Variants in MAP4K4 observed in about 807,000 individuals in gnomAD.
MAP4K4 encodes mitogen-activated protein kinase kinase kinase kinase 4, also known as HPK/GCK-like kinase HGK.
Under a neutral mutation model 189.6 loss-of-function variants are expected in MAP4K4, and 38 were observed. The ratio of observed to expected loss-of-function variants is 0.20; its 90% CI spans 0.15 to 0.26. MAP4K4 has a LOEUF of 0.26. Ranked by LOEUF, MAP4K4 falls within the 10% of genes least tolerant of loss-of-function variation. MAP4K4 has a pLI of 1.00. For missense variants in MAP4K4, 1,054 were observed against 1,726.9 expected (o/e 0.61, Z 6.91); for synonymous variants, 610 against 624.3 (o/e 0.98, Z 0.34).
exon 33 of MAP4K4, chr2:101,894,220 T>TA (rs2098600434): frequency 6.5e-6 from 1 of 152,782 alleles, no homozygotes. Flanking sequence ...ATTGAACTGT[T>TA]AGAGGAGTGC....
At position 101,860,893 on chromosome 2, in the gene MAP4K4, A is replaced by G. The variant is rs766521970; in HGVS notation, c.1773A>G (p.Val591=). ...CCCAGTCTAAGCAGACAGGCAGAGT[A>G]TTGGAGCCACCAGTGCCTTCCCGAT... The change falls in exon 16 of 33, where the codon GTA becomes GTG. Residue 591 remains valine (V), a synonymous_variant. Coordinates refer to ENST00000324219, the Ensembl canonical transcript of MAP4K4. 6.8e-6 allele frequency: 11 copies of G among 1,608,908 alleles called. No individual in the cohort carries two copies. In the East Asian group the frequency reaches 8.9e-5, roughly 13 times the overall value.
At chr2:101,732,961 G>A (rs988385697) in intron 2 of MAP4K4, among the ~76,000 whole-genome samples, 1 of 152,262 alleles carries the variant, frequency 6.6e-6, no homozygotes, top group African/African-American at 2.4e-5. Context: ...TGTCTTTGAT[G>A]TATTTAGAGC....
chr2:101,739,200 T>C (rs1456288713), intron 2 of MAP4K4, among the ~76,000 whole-genome samples: 1 of 152,200 alleles, frequency 6.6e-6, no homozygotes, highest in Admixed American at 6.5e-5. Flanking sequence ...CACAGTGCTT[T>C]TCTTTCTTGC....
chr2:101,861,094 G>C (rs1399865453), intron 16 of MAP4K4, 108 bp downstream of exon 16: 1 of 1,017,492 alleles, frequency 9.8e-7, no homozygotes, highest in Non-Finnish European at 1.4e-6. Context: ...CTGAAAAAGA[G>C]GAGAGATTAG....
At chr2:101,872,568 A>G (rs539094768) in intron 24 of MAP4K4, among the ~76,000 whole-genome samples, 1 of 152,212 alleles carries the variant, frequency 6.6e-6, no homozygotes, top group Non-Finnish European at 1.5e-5. Context: ...CAGTTGAGGG[A>G]GGTTAGAAAG....
chr2:101,893,146 G>T, exon 33 of MAP4K4: 1 of 456,384 alleles, frequency 2.2e-6, no homozygotes, highest in Non-Finnish European at 4.4e-6. Flanking sequence ...TCCTGTTCCT[G>T]GTTCCATCTT....
At chr2:101,856,180 T>C in intron 13 of MAP4K4, 42 bp downstream of exon 13, 12 of 1,534,974 alleles carry the variant, frequency 7.8e-6, no homozygotes, top group Non-Finnish European at 1.1e-5. Flanking sequence ...CTTGTGAAGT[T>C]TGTTACTTTG....
chr2:101,784,850 C>T (rs2089848925), intron 2 of MAP4K4, among the ~76,000 whole-genome samples: 1 of 152,156 alleles, frequency 6.6e-6, no homozygotes, highest in South Asian at 2.1e-4. Flanking sequence ...GTATAGAGAG[C>T]CAGTCTAGGT....
intron 2 of MAP4K4, among the ~76,000 whole-genome samples, chr2:101,747,066 GAGAC>G (rs938225541): frequency 8.5e-5 from 13 of 152,116 alleles, no homozygotes; most frequent in African/African-American, 3.1e-4. Flanking sequence ...AAGACCAGGA[GAGAC>G]ATCTAAGGGC....
chr2:101,698,467 C>T lies in MAP4K4; in HGVS notation c.58-6C>T, dbSNP rs759472691. 2 of 1,613,294 alleles carry T rather than the reference C, an allele frequency of 1.2e-6. No homozygotes were observed. Among genetic ancestry groups the T allele is most frequent in the South Asian group, 1.1e-5 (1 of 91,060 alleles). On this transcript the variant is annotated splice_polypyrimidine_tract_variant and splice_region_variant and intron_variant, in intron 1 of 32. Transcript: ENST00000324219. The stretch of plus-strand genomic sequence containing the variant: ...AATGATAACCCCTCCCCTCCTTCCT[C>T]TCCAGGATCCTGCTGGGATTTTTGA...
At chr2:101,776,506 T>TA (rs1002574822) in intron 2 of MAP4K4, among the ~76,000 whole-genome samples, 4 of 149,446 alleles carry the variant, frequency 2.7e-5, no homozygotes, top group Non-Finnish European at 5.9e-5. Context: ...AATCTGGGTT[T>TA]AAAAAAAAAT....
intron 15 of MAP4K4, chr2:101,860,511 T>C: frequency 9.3e-6 from 2 of 214,898 alleles, no homozygotes; most frequent in South Asian, 2.4e-4. Context: ...AGTTTTTTAG[T>C]CTGTTGGTTT....
intron 2 of MAP4K4, among the ~76,000 whole-genome samples, chr2:101,757,261 T>C (rs1054686363): frequency 6.6e-6 from 1 of 152,286 alleles, no homozygotes; most frequent in African/African-American, 2.4e-5. Flanking sequence ...TTAATACTTT[T>C]ATGTAATTCT....
At chr2:101,875,863 G>T (rs376975847) in intron 26 of MAP4K4, among the ~76,000 whole-genome samples, 1 of 152,330 alleles carries the variant, frequency 6.6e-6, no homozygotes, top group South Asian at 2.1e-4. Context: ...AAGGCTTTTG[G>T]AACAATTTCT....
chr2:101,821,868 A>G (rs932513378), intron 3 of MAP4K4, among the ~76,000 whole-genome samples: 1 of 152,260 alleles, frequency 6.6e-6, no homozygotes, highest in Non-Finnish European at 1.5e-5. Flanking sequence ...CTTTTTAAAT[A>G]TCTTTGTAAG....
intron 2 of MAP4K4, among the ~76,000 whole-genome samples, chr2:101,726,061 T>C (rs1423290328): frequency 1.3e-5 from 2 of 152,216 alleles, no homozygotes; most frequent in Non-Finnish European, 2.9e-5. Context: ...CTTCCTCAGG[T>C]TGGGTATTGC....
chr2:101,860,776 G>A (rs1211944654), intron 15 of MAP4K4, 49 bp from the exon 16 acceptor site: 1 of 1,443,976 alleles, frequency 6.9e-7, no homozygotes, highest in Non-Finnish European at 9.4e-7. Flanking sequence ...TGATATTTCT[G>A]CTTTTCCCCT....
chr2:101,827,037 A>G (rs867394207), intron 5 of MAP4K4, among the ~76,000 whole-genome samples: 13 of 152,250 alleles, frequency 8.5e-5, no homozygotes, highest in Middle Eastern at 3.4e-3. Context: ...TCAGCCTTCA[A>G]AGACATCAAA....
At chr2:101,779,823 T>A (rs917701348) in intron 2 of MAP4K4, among the ~76,000 whole-genome samples, 3 of 149,694 alleles carry the variant, frequency 2.0e-5, no homozygotes, top group African/African-American at 5.0e-5. Context: ...TTTTTTTTTT[T>A]AAAGGAGGGA....
Sources: allele counts gnomAD v4.1 joint callset (sites outside exome capture counted in the v4.1 genomes callset), GRCh38; gene constraint gnomAD v4.1.1; transcripts MANE v1.5; gene names NCBI Gene and HGNC (gene_info 2026-07-23, HGNC 2026-07-21).